The following HMGN3 variants were observed in gnomAD, a reference collection of about 807,000 sequenced individuals.
HMGN3 encodes high mobility group nucleosomal binding domain 3.
HMGN3 carries 6 observed loss-of-function variants against 18.8 expected under a neutral mutation model. The observed-to-expected ratio is 0.32, with a 90% CI of 0.18 to 0.63. The LOEUF is 0.63. HMGN3 is among the 30% of genes least tolerant of loss of function. The pLI, the probability that HMGN3 is intolerant of heterozygous loss-of-function variation, is 0.79. For synonymous variants in HMGN3, 40 were observed against 36.5 expected (o/e 1.10, Z -0.35); for missense variants, 107 against 114.2 (o/e 0.94, Z 0.29).
At chr6:79,229,843 C>A (rs1777754103) in intron 1 of HMGN3, among the ~76,000 whole-genome samples, 1 of 151,960 alleles carries the variant, frequency 6.6e-6, no homozygotes, top group Non-Finnish European at 1.5e-5. Context: ...GCGCTACTGC[C>A]CTCCAGCCTG....
At chr6:79,205,267 C>T (rs889685951) in intron 3 of HMGN3, among the ~76,000 whole-genome samples, 1 of 152,206 alleles carries the variant, frequency 6.6e-6, no homozygotes, top group East Asian at 1.9e-4. Flanking sequence ...ACACCTCTTC[C>T]TAATATGGTT....
chr6:79,234,403 G>T, intron 1 of HMGN3, 143 bp downstream of exon 1: 2 of 719,314 alleles, frequency 2.8e-6, no homozygotes, highest in Non-Finnish European at 2.5e-6. Context: ...TCTGCAACAG[G>T]CATCTAAAAA....
At chr6:79,210,016 A>AT (rs991246407) in intron 2 of HMGN3, among the ~76,000 whole-genome samples, 1 of 152,198 alleles carries the variant, frequency 6.6e-6, no homozygotes, top group Non-Finnish European at 1.5e-5. Context: ...AACTCAGCAC[A>AT]TAGCCCTGTG....
chr6:79,210,148 G>A (rs1161075484), intron 2 of HMGN3, among the ~76,000 whole-genome samples: 1 of 152,134 alleles, frequency 6.6e-6, no homozygotes, highest in Non-Finnish European at 1.5e-5. Flanking sequence ...TCCAAATCCT[G>A]CAATACCTTT....
At chr6:79,230,707 G>A (rs567942670) in intron 1 of HMGN3, among the ~76,000 whole-genome samples, 46 of 152,182 alleles carry the variant, frequency 3.0e-4, no homozygotes, top group African/African-American at 1.1e-3. Flanking sequence ...TTTTAAAACA[G>A]CAAACCTTTT....
chr6:79,206,090 A>C (rs529509203), intron 3 of HMGN3, among the ~76,000 whole-genome samples: 1 of 152,346 alleles, frequency 6.6e-6, no homozygotes, highest in East Asian at 1.9e-4. Context: ...TGTTAAAGGC[A>C]ATCAGTTTTA....
intron 1 of HMGN3, 99 bp downstream of exon 1, chr6:79,234,447 G>A: frequency 1.7e-6 from 2 of 1,151,486 alleles, no homozygotes; most frequent in Admixed American, 1.8e-5. Context: ...CCAATCCCCG[G>A]GTTACTACCG....
intron 2 of HMGN3, among the ~76,000 whole-genome samples, chr6:79,212,119 G>A (rs900612360): frequency 1.3e-5 from 2 of 151,494 alleles, no homozygotes; most frequent in South Asian, 4.2e-4. Context: ...GTACCTCAGA[G>A]CCTTGGCTGG....
intron 2 of HMGN3, among the ~76,000 whole-genome samples, chr6:79,214,354 A>G (rs1776855250): frequency 6.6e-6 from 1 of 151,402 alleles, no homozygotes; most frequent in Non-Finnish European, 1.5e-5. Context: ...GGCGCCCACC[A>G]CCACGCCTGG....
rs562116876 is a variant in HMGN3, at chr6:79,213,245, AAAAAT to A, written c.66+1722_66+1726del. Among the ~76,000 whole-genome samples the A allele has an allele frequency of 3.3e-5, 5 of 151,864 alleles. No homozygotes were observed. In the South Asian group the frequency reaches 6.2e-4, roughly 19 times the overall value. On this transcript the variant is annotated intron_variant, in intron 2 of 5. Transcript: ENST00000344726. ...GATGACAGAGTGAGATGCTATCTCAAAAAATAAAATAAAATAAAATAAAATAATAT... is the reference window on the plus strand; with the variant it reads ...GATGACAGAGTGAGATGCTATCTCAAAAAATAAAATAAAATAAAATAATAT...
chr6:79,220,851 G>A (rs571809035), intron 1 of HMGN3, among the ~76,000 whole-genome samples: 21 of 152,264 alleles, frequency 1.4e-4, no homozygotes, highest in African/African-American at 4.8e-4. Flanking sequence ...CAACAAATTC[G>A]TGATGATGGT....
chr6:79,216,189 C>T (rs1192977848), intron 1 of HMGN3, among the ~76,000 whole-genome samples: 2 of 152,008 alleles, frequency 1.3e-5, no homozygotes, highest in Non-Finnish European at 2.9e-5. Flanking sequence ...GGTACCTGGA[C>T]TCAGAAAAAG....
At chr6:79,221,790 C>G (rs1777297300) in intron 1 of HMGN3, among the ~76,000 whole-genome samples, 1 of 151,830 alleles carries the variant, frequency 6.6e-6, no homozygotes, top group South Asian at 2.1e-4. Context: ...TAGGAGTGAT[C>G]TTCAGCCCAT....
intron 1 of HMGN3, chr6:79,233,693 C>G (rs143459821): frequency 2.0e-4 from 30 of 152,360 alleles, no homozygotes; most frequent in African/African-American, 6.3e-4. Flanking sequence ...TGTCCGGGGC[C>G]TGCGCAGAAG....
At chr6:79,222,701 A>C (rs530335561) in intron 1 of HMGN3, among the ~76,000 whole-genome samples, 40 of 152,202 alleles carry the variant, frequency 2.6e-4, no homozygotes, top group Non-Finnish European at 5.1e-4. Flanking sequence ...TGGAATTGAG[A>C]GGTCCCTTCA....
At chr6:79,222,503 A>G (rs1777351834) in intron 1 of HMGN3, among the ~76,000 whole-genome samples, 1 of 152,196 alleles carries the variant, frequency 6.6e-6, no homozygotes, top group African/African-American at 2.4e-5. Flanking sequence ...AGGTTTCTTG[A>G]GTTAAAAGGT....
intron 1 of HMGN3, among the ~76,000 whole-genome samples, chr6:79,219,206 G>A (rs1777149718): frequency 6.6e-6 from 1 of 152,096 alleles, no homozygotes; most frequent in Non-Finnish European, 1.5e-5. Context: ...CAAGGAAAAT[G>A]AGAAAATCTG....
intron 3 of HMGN3, among the ~76,000 whole-genome samples, chr6:79,206,253 G>GA (rs780615386): frequency 6.6e-6 from 1 of 152,164 alleles, no homozygotes; most frequent in Admixed American, 6.5e-5. Context: ...AAGACAATGG[G>GA]AAAAATGTCT....
At chr6:79,206,178 C>G (rs974020338) in intron 3 of HMGN3, among the ~76,000 whole-genome samples, 1 of 152,172 alleles carries the variant, frequency 6.6e-6, no homozygotes, top group Non-Finnish European at 1.5e-5. Context: ...ATTTTCTGAG[C>G]TGAGGAGAAA....
Sources: gnomAD v4.1 joint callset for allele counts (sites outside exome capture counted in the v4.1 genomes callset) on GRCh38, gnomAD v4.1.1 for gene constraint, MANE v1.5 for transcripts, NCBI Gene and HGNC (gene_info 2026-07-23, HGNC 2026-07-21) for gene names.